RGS7: variants seen among roughly 807,000 people sequenced by gnomAD.
RGS7 encodes the protein regulator of G-protein signaling 7.
Under a neutral mutation model 81.1 loss-of-function variants are expected in RGS7, and 27 were observed. That is an observed-to-expected ratio of 0.33 (90% CI 0.25 to 0.46). The LOEUF (loss-of-function observed/expected upper bound fraction) is 0.46, where lower values mean the gene tolerates loss of function less well. RGS7 is among the 20% of genes least tolerant of loss of function. The probability of loss-of-function intolerance (pLI) is 1.00; values close to 1 mark genes in which losing one functional copy is unlikely to be tolerated. For missense variants in RGS7, 396 were observed against 607.4 expected, an observed-to-expected ratio of 0.65 and a Z score of 3.66; for synonymous variants, 208 against 207.7, an observed-to-expected ratio of 1.00 and a Z score of -0.01.
At chr1:241,320,557 T>C (rs1023400916) in intron 2 of RGS7, among the ~76,000 whole-genome samples, 10 of 152,206 alleles carry the variant, frequency 6.6e-5, no homozygotes, top group Admixed American at 4.6e-4. Flanking sequence ...ACAAACTAGG[T>C]GTCTTGACAC....
intron 2 of RGS7, among the ~76,000 whole-genome samples, chr1:241,335,572 A>C (rs1346299093): frequency 2.0e-5 from 3 of 152,106 alleles, no homozygotes; most frequent in African/African-American, 7.2e-5. Flanking sequence ...ACATTCTTTA[A>C]TCTGTCAGGC....
chr1:241,139,637 CT>C (rs946988582), intron 2 of RGS7, among the ~76,000 whole-genome samples: 19 of 152,138 alleles, frequency 1.2e-4, no homozygotes, highest in African/African-American at 3.9e-4. Context: ...GTGAGGGGGT[CT>C]TATTCACATC....
At chr1:241,304,893 G>C (rs2079992903) in intron 2 of RGS7, among the ~76,000 whole-genome samples, 2 of 152,116 alleles carry the variant, frequency 1.3e-5, no homozygotes, top group African/African-American at 4.8e-5. Context: ...CCTATATTTA[G>C]GTTGTTCATG....
intron 2 of RGS7, among the ~76,000 whole-genome samples, chr1:241,247,597 T>C (rs1403146902): frequency 6.6e-6 from 1 of 152,104 alleles, no homozygotes; most frequent in African/African-American, 2.4e-5. Flanking sequence ...AACAACTTTC[T>C]TAATGCAATG....
At chr1:240,774,983 C>A (rs1429006378), downstream of RGS7, among the ~76,000 whole-genome samples, 2 of 152,160 alleles carry the variant, frequency 1.3e-5, no homozygotes, top group African/African-American at 4.8e-5. Context: ...GCAAACACTA[C>A]ACCATTTTAT....
rs2103219063 is a variant in RGS7 at position 241,164,401 on chromosome 1, T to TC, written c.79-65640dup. 6.6e-6 allele frequency among the ~76,000 whole-genome samples: 1 copy of TC among 151,914 alleles called. No homozygotes were observed. Among genetic ancestry groups the TC allele is most frequent in the South Asian group, 2.1e-4 (1 of 4,798 alleles). ...GGGGTAGGGCTGAAAGTCCCAGCCC[T>TC]CCAATCATGCATTGGTCTTTTCAGC... On this transcript the variant is annotated intron_variant, in intron 2 of 18. Coordinates refer to ENST00000440928, the MANE Select transcript of RGS7 (RefSeq NM_001364886.1). This position sits in a 1 kb window ranked among gnomAD's most constrained non-coding sequence, Gnocchi z 4.1.
intron 2 of RGS7, among the ~76,000 whole-genome samples, chr1:241,125,409 G>A (rs771721594): frequency 2.9e-4 from 42 of 146,024 alleles, no homozygotes; most frequent in Admixed American, 9.6e-4. Flanking sequence ...CTAGATACCC[G>A]ACATGCACAA....
intron 2 of RGS7, among the ~76,000 whole-genome samples, chr1:241,345,400 A>T (rs1384382702): frequency 6.6e-6 from 1 of 152,222 alleles, no homozygotes; most frequent in Non-Finnish European, 1.5e-5. Context: ...ATAAAAGTTT[A>T]AAAAGGTAGT....
rs372328625 is a variant in RGS7 at position 241,132,741 on chromosome 1, A to G, written c.79-33979T>C. 5.9e-3 allele frequency among the ~76,000 whole-genome samples: 895 copies of G among 151,108 alleles called. 7 individuals are homozygous for G. Among genetic ancestry groups the G allele is most frequent in the African/African-American group, 0.02 (838 of 40,930 alleles). On this transcript the variant is annotated intron_variant, in intron 2 of 18. Coordinates refer to ENST00000440928, the MANE Select transcript of RGS7 (RefSeq NM_001364886.1). Reference sequence around the variant, plus strand: ...AGGTCTGTCAATAATTCAACTTATTATTTGTTTGTTTGTTTGTTTGTTTGT... The same window carrying G: ...AGGTCTGTCAATAATTCAACTTATTGTTTGTTTGTTTGTTTGTTTGTTTGT...
At chr1:240,952,952 T>A (rs540133485) in intron 4 of RGS7, among the ~76,000 whole-genome samples, 16 of 152,068 alleles carry the variant, frequency 1.1e-4, no homozygotes, top group Non-Finnish European at 1.8e-4. Context: ...TTATCAGGGA[T>A]AATGGAAAGC....
At chr1:240,807,856 G>A (rs1689144384) in intron 14 of RGS7, among the ~76,000 whole-genome samples, 1 of 151,892 alleles carries the variant, frequency 6.6e-6, no homozygotes. Flanking sequence ...CCAACATGGT[G>A]AAACCCCATC....
At chr1:241,052,018 C>T (rs2061277318) in intron 3 of RGS7, among the ~76,000 whole-genome samples, 1 of 152,128 alleles carries the variant, frequency 6.6e-6, no homozygotes, top group Non-Finnish European at 1.5e-5. Flanking sequence ...ATCTAGGAAT[C>T]CTTGCTAAGC....
At chr1:241,239,049 A>C (rs1483724083) in intron 2 of RGS7, among the ~76,000 whole-genome samples, 1 of 145,554 alleles carries the variant, frequency 6.9e-6, no homozygotes, top group Non-Finnish European at 1.5e-5. Context: ...GCTCACTGCA[A>C]CCTCCGCCTC....
At chr1:241,351,016 C>T (rs1298007674) in intron 2 of RGS7, among the ~76,000 whole-genome samples, 2 of 152,176 alleles carry the variant, frequency 1.3e-5, no homozygotes, top group East Asian at 3.9e-4. Flanking sequence ...CTTTCAAAGA[C>T]AATGCTTAGA....
intron 2 of RGS7, among the ~76,000 whole-genome samples, chr1:241,295,040 T>A (rs945314740): frequency 6.6e-6 from 1 of 152,260 alleles, no homozygotes; most frequent in African/African-American, 2.4e-5. Flanking sequence ...TTCCTCTAAC[T>A]GAGTGATGTG....
chr1:240,865,280 T>C (rs1663029688), intron 9 of RGS7, among the ~76,000 whole-genome samples: 1 of 152,216 alleles, frequency 6.6e-6, no homozygotes, highest in African/African-American at 2.4e-5. Flanking sequence ...TTTTTACTGG[T>C]TGTTGGCTGA....
intron 2 of RGS7, among the ~76,000 whole-genome samples, chr1:241,099,038 A>C (rs76466903): frequency 0.054 from 8,198 of 152,214 alleles, 721 homozygotes; most frequent in African/African-American, 0.19. Context: ...CCTTGGTTAT[A>C]AAGGTTAAGA....
At chr1:241,276,135 G>A (rs1457668602) in intron 2 of RGS7, among the ~76,000 whole-genome samples, 2 of 152,160 alleles carry the variant, frequency 1.3e-5, no homozygotes, top group Non-Finnish European at 2.9e-5. Flanking sequence ...GTTGGTAGTG[G>A]CAACATAGAG....
At chr1:240,897,676 C>T (rs961063587) in intron 6 of RGS7, among the ~76,000 whole-genome samples, 2 of 152,070 alleles carry the variant, frequency 1.3e-5, no homozygotes, top group Admixed American at 6.6e-5. Flanking sequence ...CTGCTGGATT[C>T]GGTTTGCCCG....
Sources: allele counts gnomAD v4.1 joint callset (sites outside exome capture counted in the v4.1 genomes callset), GRCh38; gene constraint gnomAD v4.1.1; non-coding constraint Gnocchi (gnomAD v3.1); transcripts MANE v1.5; gene names NCBI Gene and HGNC (gene_info 2026-07-23, HGNC 2026-07-21).